Variants in EYS observed in about 807,000 individuals in gnomAD.
EYS encodes EGF-like photoreceptor maintenance factor, also known as protein eyes shut homolog.
In EYS, 250 loss-of-function variants were observed where a neutral mutation model predicts 282.1. That is an observed-to-expected ratio of 0.89 (90% CI 0.80 to 0.98). The LOEUF is 0.98. Among genes scored for constraint, EYS ranks in the 50% least tolerant of loss-of-function variants. The pLI, the probability that EYS is intolerant of heterozygous loss-of-function variation, is 0.00. For synonymous variants in EYS, 1,355 were observed against 1,282.9 expected, an observed-to-expected ratio of 1.06 and a Z score of -1.20; for missense variants, 4,016 against 3,709.0, an observed-to-expected ratio of 1.08 and a Z score of -2.15.
At chr6:65,234,759 T>C in intron 12 of EYS, among the ~76,000 whole-genome samples, 1 of 152,190 alleles carries the variant, frequency 6.6e-6, no homozygotes, top group Non-Finnish European at 1.5e-5. Flanking sequence ...ACAAAGTGTT[T>C]GTATAATATG....
chr6:65,127,172 G>T (rs879088731), intron 12 of EYS, among the ~76,000 whole-genome samples: 1 of 152,060 alleles, frequency 6.6e-6, no homozygotes, highest in South Asian at 2.1e-4. Flanking sequence ...CAACACAGTT[G>T]TACTACTTAA....
chr6:65,650,509 G>T (rs1360239466), intron 1 of EYS, among the ~76,000 whole-genome samples: 1 of 152,078 alleles, frequency 6.6e-6, no homozygotes, highest in East Asian at 1.9e-4. Flanking sequence ...TTGAAATATT[G>T]CAATGGTTAT....
At chr6:63,765,399 G>A (rs948861619) in intron 40 of EYS, among the ~76,000 whole-genome samples, 6 of 85,994 alleles carry the variant, frequency 7.0e-5, no homozygotes, top group African/African-American at 8.5e-5. Context: ...AGGAAAGGCC[G>A]CCAGAGTGAG....
At chr6:64,373,765 G>T (rs891065436) in intron 29 of EYS, among the ~76,000 whole-genome samples, 5 of 152,188 alleles carry the variant, frequency 3.3e-5, no homozygotes, top group African/African-American at 9.6e-5. Context: ...TGCCAGCTAA[G>T]TTCCCATAGA....
At chr6:64,315,647 A>G (rs1430970798) in intron 29 of EYS, among the ~76,000 whole-genome samples, 1 of 150,276 alleles carries the variant, frequency 6.7e-6, no homozygotes, top group Admixed American at 6.6e-5. Flanking sequence ...CACAAAGAGG[A>G]GCTGGTACCA....
intron 28 of EYS, among the ~76,000 whole-genome samples, chr6:64,394,120 T>C (rs1440388371): frequency 6.6e-6 from 1 of 152,006 alleles, no homozygotes; most frequent in Non-Finnish European, 1.5e-5. Flanking sequence ...CACTGCTCAA[T>C]TAAATAAAAG....
At chr6:65,133,609 A>C (rs1026232441) in intron 12 of EYS, among the ~76,000 whole-genome samples, 2 of 152,152 alleles carry the variant, frequency 1.3e-5, no homozygotes, top group East Asian at 3.9e-4. Flanking sequence ...TACACCACAT[A>C]CAAAAATCAA....
chr6:64,231,520 A>T (rs900075542), intron 30 of EYS, among the ~76,000 whole-genome samples: 1 of 152,112 alleles, frequency 6.6e-6, no homozygotes, highest in African/African-American at 2.4e-5. Flanking sequence ...AAAGATGCTG[A>T]AATTTCCTAA....
At chr6:65,206,431 T>C (rs1362548560) in intron 12 of EYS, among the ~76,000 whole-genome samples, 2 of 151,604 alleles carry the variant, frequency 1.3e-5, no homozygotes, top group African/African-American at 4.8e-5. Context: ...GACCAACAGA[T>C]TCAGAGCTGA....
intron 29 of EYS, among the ~76,000 whole-genome samples, chr6:64,369,042 C>A (rs1772267068): frequency 1.3e-5 from 2 of 152,082 alleles, no homozygotes; most frequent in South Asian, 4.1e-4. Flanking sequence ...TTGAGGGTTA[C>A]ACTTAAGTCT....
rs143732100 is a variant in EYS, at chr6:64,758,777, C to T, written c.3443+54601G>A. On this transcript the variant is annotated intron_variant, in intron 22 of 42. Transcript: ENST00000503581. ...TTTGTTTTATTAAATAAAGAGTCTA[C>T]CCTTTGGGCAAAGAGTAATCAATTT... is the stretch of plus-strand genomic sequence containing the variant. Among the ~76,000 whole-genome samples, 650 of 152,204 alleles carry T rather than the reference C, an allele frequency of 4.3e-3. 5 individuals are homozygous for T. The highest frequency in any genetic ancestry group is 0.015 in the African/African-American group (609 of 41,528).
At chr6:65,569,398 A>C (rs946015749) in intron 2 of EYS, among the ~76,000 whole-genome samples, 2 of 152,138 alleles carry the variant, frequency 1.3e-5, no homozygotes, top group Admixed American at 1.3e-4. Flanking sequence ...TGATCTCTTC[A>C]CACGGACACC....
intron 31 of EYS, among the ~76,000 whole-genome samples, chr6:64,141,089 G>A (rs1003651077): frequency 6.6e-6 from 1 of 152,050 alleles, no homozygotes; most frequent in Non-Finnish European, 1.5e-5. Context: ...CCCATTTTAA[G>A]TTCATTTAGA....
intron 31 of EYS, among the ~76,000 whole-genome samples, chr6:64,116,300 G>A (rs566702161): frequency 1.3e-5 from 2 of 152,212 alleles, no homozygotes; most frequent in Admixed American, 6.5e-5. Flanking sequence ...CCCCTATATG[G>A]CTATCAGTGG....
chr6:65,213,057 A>G (rs575239731), intron 12 of EYS, among the ~76,000 whole-genome samples: 1 of 152,176 alleles, frequency 6.6e-6, no homozygotes, highest in South Asian at 2.1e-4. Flanking sequence ...ATGTAGAGGA[A>G]TTATTTATAG....
At chr6:65,155,384 A>G (rs1012536902) in intron 12 of EYS, among the ~76,000 whole-genome samples, 4 of 151,640 alleles carry the variant, frequency 2.6e-5, no homozygotes, top group African/African-American at 9.6e-5. Context: ...TTTCCTTTAA[A>G]GCTTTCAAAT....
intron 8 of EYS, among the ~76,000 whole-genome samples, chr6:65,358,599 A>AGTGTGTGTGTGTGTGTGT (rs61588307): frequency 3.3e-4 from 47 of 140,930 alleles, no homozygotes; most frequent in Admixed American, 1.3e-3. Context: ...AGGTTTCTGA[A>AGTGTGTGTGTGTGTGTGT]GTGTGTGTGT....
At chr6:65,373,943 A>C (rs1328219112) in intron 8 of EYS, among the ~76,000 whole-genome samples, 1 of 152,188 alleles carries the variant, frequency 6.6e-6, no homozygotes, top group Non-Finnish European at 1.5e-5. Flanking sequence ...ACATGTGAAC[A>C]TACTGTCTCA....
At chr6:65,365,451 G>A (rs1764880544) in intron 8 of EYS, among the ~76,000 whole-genome samples, 1 of 151,666 alleles carries the variant, frequency 6.6e-6, no homozygotes, top group South Asian at 2.1e-4. Flanking sequence ...GTGCGTATGT[G>A]TGGTCAGTCC....
Sources: gnomAD v4.1 joint callset for allele counts (sites outside exome capture counted in the v4.1 genomes callset) on GRCh38, gnomAD v4.1.1 for gene constraint, MANE v1.5 for transcripts, NCBI Gene and HGNC (gene_info 2026-07-23, HGNC 2026-07-21) for gene names.